The following CDK14 variants were observed in gnomAD, a reference collection of about 807,000 sequenced individuals.
The protein encoded by CDK14 is cyclin dependent kinase 14.
Under a neutral mutation model 60.7 loss-of-function variants are expected in CDK14, and 34 were observed. That is an observed-to-expected ratio of 0.56 (90% CI 0.43 to 0.75). The LOEUF (loss-of-function observed/expected upper bound fraction) is 0.75. Among genes scored for constraint, CDK14 ranks in the 30% least tolerant of loss-of-function variants. The pLI, the probability that CDK14 is intolerant of heterozygous loss-of-function variation, is 0.00. For synonymous variants in CDK14, 197 were observed against 203.7 expected, an observed-to-expected ratio of 0.97 and a Z score of 0.28; for missense variants, 482 against 564.1, an observed-to-expected ratio of 0.85 and a Z score of 1.47.
chr7:90,925,919 T>C (rs1392945779), intron 8 of CDK14, among the ~76,000 whole-genome samples: 1 of 152,208 alleles, frequency 6.6e-6, no homozygotes, highest in African/African-American at 2.4e-5. Flanking sequence ...ATTGACATTT[T>C]CAGATTTTTT....
At chr7:90,674,794 G>GC (rs1801164742) in intron 2 of CDK14, among the ~76,000 whole-genome samples, 1 of 152,074 alleles carries the variant, frequency 6.6e-6, no homozygotes, top group Non-Finnish European at 1.5e-5. Context: ...CCTGGGACAG[G>GC]CCAGGACACC....
At chr7:90,765,695 G>C (rs1562759073) in intron 4 of CDK14, among the ~76,000 whole-genome samples, 1 of 151,884 alleles carries the variant, frequency 6.6e-6, no homozygotes, top group East Asian at 1.9e-4. Flanking sequence ...AAAATGTAGG[G>C]TAAAATACAT....
intron 8 of CDK14, among the ~76,000 whole-genome samples, chr7:90,922,435 C>G (rs1193199050): frequency 1.3e-5 from 2 of 150,612 alleles, no homozygotes; most frequent in African/African-American, 4.9e-5. Context: ...TTTTTTTTCT[C>G]TCTAATTTCT....
chr7:91,119,086 CA>C (rs1401728636), intron 14 of CDK14, among the ~76,000 whole-genome samples: 1 of 150,634 alleles, frequency 6.6e-6, no homozygotes, highest in Non-Finnish European at 1.5e-5. Context: ...CTTAATGTAA[CA>C]CAAGTCTCTG....
intron 8 of CDK14, among the ~76,000 whole-genome samples, chr7:90,940,747 C>G (rs539984603): frequency 4.6e-5 from 7 of 152,122 alleles, no homozygotes; most frequent in Admixed American, 2.6e-4. Context: ...GATTGTGCCA[C>G]TGCCCTCCAG....
At chr7:90,901,157 A>G (rs770534825) in intron 7 of CDK14, among the ~76,000 whole-genome samples, 1 of 152,126 alleles carries the variant, frequency 6.6e-6, no homozygotes, top group Non-Finnish European at 1.5e-5. Flanking sequence ...ATGGTCATTC[A>G]TCATACTTCA....
At chr7:90,739,461 A>G (rs1040630011) in intron 3 of CDK14, among the ~76,000 whole-genome samples, 6 of 152,178 alleles carry the variant, frequency 3.9e-5, no homozygotes, top group Admixed American at 2.6e-4. Flanking sequence ...TTTTTCAAGT[A>G]GTAAGTTTAA....
chr7:90,936,169 TAA>T lies in CDK14; in HGVS notation c.826+18452_826+18453del, dbSNP rs375053254. ...TACGTAACAATATATTTTTCTGTTTTAAAAAAAAGTTGCTTTATTTTTTTAAC... is the reference window on the plus strand; with the variant it reads ...TACGTAACAATATATTTTTCTGTTTTAAAAAAGTTGCTTTATTTTTTTAAC... On this transcript the variant is annotated intron_variant, in intron 8 of 14. Coordinates refer to ENST00000380050, the MANE Select transcript of CDK14 (RefSeq NM_001287135.2). Among the ~76,000 whole-genome samples the T allele has an allele frequency of 6.6e-3, 1,009 of 152,230 alleles. 17 individuals are homozygous for T. The highest frequency in any genetic ancestry group is 0.022 in the African/African-American group (928 of 41,546).
intron 9 of CDK14, among the ~76,000 whole-genome samples, chr7:90,981,817 C>CAAAAT: frequency 6.6e-6 from 1 of 151,964 alleles, no homozygotes; most frequent in African/African-American, 2.4e-5. Context: ...CAAAACAAAA[C>CAAAAT]AAAACAAAAC....
chr7:91,008,701 A>T (rs2115798579), intron 10 of CDK14, among the ~76,000 whole-genome samples: 1 of 152,314 alleles, frequency 6.6e-6, no homozygotes, highest in South Asian at 2.1e-4. Context: ...AATTTTAAAT[A>T]ACAGTCATGA....
At chr7:90,984,027 G>C (rs1584197990) in intron 9 of CDK14, 121 bp from the exon 10 acceptor site, 1 of 693,040 alleles carries the variant, frequency 1.4e-6, no homozygotes, top group African/African-American at 1.8e-5. Context: ...AGTTAGAGGG[G>C]AAAAAGGAAA....
intron 6 of CDK14, among the ~76,000 whole-genome samples, chr7:90,884,243 A>G (rs1188438040): frequency 1.3e-5 from 2 of 152,220 alleles, no homozygotes; most frequent in Admixed American, 1.3e-4. Context: ...AAGTCTCAGA[A>G]TACAAAATCA....
intron 12 of CDK14, among the ~76,000 whole-genome samples, chr7:91,112,284 C>G (rs1365669100): frequency 1.3e-5 from 2 of 152,074 alleles, no homozygotes; most frequent in African/African-American, 2.4e-5. Context: ...CTAGTTTTAT[C>G]TTTTCGGAAA....
intron 14 of CDK14, among the ~76,000 whole-genome samples, chr7:91,184,079 G>A (rs1233873350): frequency 6.6e-6 from 1 of 151,648 alleles, no homozygotes; most frequent in Non-Finnish European, 1.5e-5. Context: ...TTTTTTAATA[G>A]ACATAATCCC....
intron 9 of CDK14, among the ~76,000 whole-genome samples, chr7:90,963,718 T>C (rs1247404449): frequency 1.4e-5 from 2 of 144,250 alleles, no homozygotes; most frequent in Non-Finnish European, 1.5e-5. Flanking sequence ...TTTCTTTTTT[T>C]TTTTTTTTTT....
At chr7:90,852,223 A>G (rs996664600) in intron 5 of CDK14, among the ~76,000 whole-genome samples, 1 of 152,130 alleles carries the variant, frequency 6.6e-6, no homozygotes, top group African/African-American at 2.4e-5. Context: ...TATTTTTTGT[A>G]TTGAAGTAGT....
chr7:90,705,500 C>T (rs534047954), intron 2 of CDK14, among the ~76,000 whole-genome samples: 12 of 151,884 alleles, frequency 7.9e-5, no homozygotes, highest in Admixed American at 1.3e-4. Context: ...GATAGCTCCA[C>T]GAAGGCTGAC....
intron 2 of CDK14, among the ~76,000 whole-genome samples, chr7:90,624,949 A>T (rs764602711): frequency 1.3e-5 from 2 of 152,152 alleles, no homozygotes; most frequent in African/African-American, 2.4e-5. Flanking sequence ...CAGCTTCCTC[A>T]TCTCGAACAG....
chr7:90,782,800 G>T (rs186838012), intron 4 of CDK14, among the ~76,000 whole-genome samples: 12 of 152,126 alleles, frequency 7.9e-5, no homozygotes, highest in African/African-American at 2.9e-4. Flanking sequence ...CTCACAGGAA[G>T]CATTTTTGTC....
Sources: gnomAD v4.1 joint callset for allele counts (sites outside exome capture counted in the v4.1 genomes callset) on GRCh38, gnomAD v4.1.1 for gene constraint, MANE v1.5 for transcripts, NCBI Gene and HGNC (gene_info 2026-07-23, HGNC 2026-07-21) for gene names.